The following CCDC187 variants were observed in gnomAD, a reference collection of about 807,000 sequenced individuals.
The protein encoded by CCDC187 is coiled-coil domain-containing protein 187.
A neutral mutation model predicts 38.0 loss-of-function variants in CCDC187; 32 were observed. The observed-to-expected ratio is 0.84, with a 90% confidence interval of 0.64 to 1.13. The LOEUF is 1.13. Ranked by LOEUF, CCDC187 falls within the 50% of genes most tolerant of loss-of-function variation. The pLI is 0.00. For synonymous variants in CCDC187, 333 were observed against 347.9 expected, an observed-to-expected ratio of 0.96 and a Z score of 0.48; for missense variants, 707 against 786.8, an observed-to-expected ratio of 0.90 and a Z score of 1.21.
At position 136,260,180 on chromosome 9, in the gene CCDC187, C is replaced by G; in HGVS notation, c.4149G>C (p.Trp1383Cys). Residue 1383 changes from tryptophan (W) to cysteine (C), a missense_variant, in exon 20 of 26, where the codon TGG (tryptophan) becomes TGC (cysteine). Coordinates refer to ENST00000638797, the MANE Select transcript of CCDC187 (RefSeq NM_001378188.1). ...DGHQQPPRPA[W>C]GEDTHDPQGP... ...CCTGGGGGTCGTGTGTGTCCTCGCC[C>G]CATGCTGGCCTCGGAGGCTGCTGGT... 3.0e-6 allele frequency: 3 copies of G among 985,514 alleles called. No homozygotes were observed. The highest frequency in any genetic ancestry group is 3.6e-6 in the Non-Finnish European group (3 of 830,074). 61.0% of individuals were successfully genotyped at this position (985,514 alleles called of 1,614,324 possible).
At chr9:136,306,072 G>A (rs925411847), upstream of CCDC187, among the ~76,000 whole-genome samples, 6 of 152,220 alleles carry the variant, frequency 3.9e-5, no homozygotes, top group Admixed American at 3.9e-4. Context: ...GGGGTACGAG[G>A]CTCGGGGCTA....
At chr9:136,303,430 C>T in intron 1 of CCDC187, 137 bp from the exon 2 acceptor site, 1 of 357,872 alleles carries the variant, frequency 2.8e-6, no homozygotes, top group Non-Finnish European at 5.0e-6. Flanking sequence ...GGAATACACC[C>T]CACCTGGAGG....
At chr9:136,293,252 TACAC>T (rs1290368845) in intron 4 of CCDC187, among the ~76,000 whole-genome samples, 5 of 106,304 alleles carry the variant, frequency 4.7e-5, no homozygotes, top group Non-Finnish European at 9.4e-5. Flanking sequence ...CTCACATGCT[TACAC>T]ACTCACTCAT....
chr9:136,260,733 G>C (rs1830669310), intron 19 of CCDC187, among the ~76,000 whole-genome samples: 1 of 152,204 alleles, frequency 6.6e-6, no homozygotes, highest in Non-Finnish European at 1.5e-5. Context: ...CTCCACCCAA[G>C]GGTGCCCCTG....
Position 136,263,759 on chromosome 9 carries a change from G to A in CCDC187, c.3775C>T (p.His1259Tyr). The stretch of plus-strand genomic sequence containing the variant: ...TGCAGAAGCAGCTTCCTGTCCCGGT[G>A]CCTGAACAGCTGCGTGTGTCTCAGG... ...QYLRHTQLFR[H>Y]RDRKLLLQHQ... The change falls in exon 18 of 26, where the codon CAC becomes TAC. Residue 1259 changes from histidine (H) to tyrosine (Y), a missense_variant. By Grantham distance (83) the His-to-Tyr change is moderately conservative. Coordinates refer to ENST00000638797, the MANE Select transcript of CCDC187 (RefSeq NM_001378188.1). The A allele has an allele frequency of 1.0e-6, 1 of 985,498 alleles. No homozygotes were observed. Among genetic ancestry groups the A allele is most frequent in the Non-Finnish European group, 1.2e-6 (1 of 829,946 alleles). 61.0% of individuals were successfully genotyped at this position (985,498 alleles called of 1,614,324 possible). A position where few individuals can be genotyped will look rare whatever the true frequency, so the allele number is the denominator to read the frequency against.
chr9:136,250,388 G>T lies in CCDC187; in HGVS notation c.*3206C>A, dbSNP rs1194124072. On this transcript the variant is annotated 3_prime_UTR_variant, in exon 26 of 26. Coordinates refer to ENST00000638797, the MANE Select transcript of CCDC187 (RefSeq NM_001378188.1). ...CGCCACCGCATTGCGCCGCACGTCA[G>T]CACCAACCACGTGGCAGCGAGCCTG... is the stretch of plus-strand genomic sequence containing the variant. 1 of 285,012 alleles carries T rather than the reference G, an allele frequency of 3.5e-6. No homozygotes were observed. Among genetic ancestry groups the T allele is most frequent in the Non-Finnish European group, 6.9e-6 (1 of 145,818 alleles). The allele number at this position is 285,012 out of a possible 1,614,324, so 17.7% of individuals were successfully genotyped here.
chr9:136,290,276 CCT>C (rs1831286471), intron 6 of CCDC187, among the ~76,000 whole-genome samples: 19 of 147,904 alleles, frequency 1.3e-4, no homozygotes, highest in Non-Finnish European at 2.7e-4. Flanking sequence ...TGACCCTGCA[CCT>C]CACCAGGGCC....
chr9:136,265,341 C>T (rs1830731631), intron 17 of CCDC187, among the ~76,000 whole-genome samples: 1 of 152,188 alleles, frequency 6.6e-6, no homozygotes, highest in Non-Finnish European at 1.5e-5. Flanking sequence ...ACAACGATGG[C>T]AGGAAGGCAG....
intron 14 of CCDC187, among the ~76,000 whole-genome samples, chr9:136,271,247 C>T (rs182633660): frequency 3.9e-5 from 6 of 152,294 alleles, no homozygotes; most frequent in African/African-American, 9.6e-5. Context: ...ATGGTCTGGG[C>T]GTGGTGGCTC....
rs1262381903 is a variant in CCDC187 at position 136,290,655 on chromosome 9, TGCC to T, written c.1955_1957del (p.Arg652del). On this transcript the variant is annotated inframe_deletion, in exon 6 of 26. Transcript: ENST00000638797. ...GGCCGAGGCCTTCTCCTCCAGGGCC[TGCC>T]GCCGCCGGGCCTGCGCCTTCTGGCG... 1.7e-4 allele frequency: 68 copies of T among 398,484 alleles called. No homozygotes were observed. Among genetic ancestry groups the T allele is most frequent in the African/African-American group, 1.3e-3 (61 of 48,728 alleles). The allele number at this position is 398,484 out of a possible 1,614,324, so 24.7% of individuals were successfully genotyped here.
At chr9:136,279,560 C>T (rs1830999601) in intron 10 of CCDC187, among the ~76,000 whole-genome samples, 1 of 152,226 alleles carries the variant, frequency 6.6e-6, no homozygotes, top group East Asian at 1.9e-4. Flanking sequence ...CGTGGCTGTC[C>T]TGCAGCCATT....
chr9:136,273,268 G>C (rs925238167), intron 14 of CCDC187, among the ~76,000 whole-genome samples: 5 of 152,178 alleles, frequency 3.3e-5, no homozygotes, highest in Non-Finnish European at 7.3e-5. Context: ...TATGCTGCCT[G>C]TAAGAAACAC....
chr9:136,300,169 G>A, intron 3 of CCDC187, 51 bp downstream of exon 3: 2 of 398,282 alleles, frequency 5.0e-6, no homozygotes, highest in East Asian at 3.6e-5. Flanking sequence ...CCCCATCATG[G>A]CCTGAGCATC....
intron 12 of CCDC187, among the ~76,000 whole-genome samples, chr9:136,275,638 G>A (rs1830917843): frequency 1.3e-5 from 2 of 152,176 alleles, no homozygotes; most frequent in African/African-American, 2.4e-5. Context: ...GGTCACAGCC[G>A]TCAGCCACCC....
At chr9:136,274,589 C>CTCGGA (rs1239714389) in intron 14 of CCDC187, 69 bp downstream of exon 14, 1 of 152,496 alleles carries the variant, frequency 6.6e-6, no homozygotes. Context: ...GGTCCCCCCT[C>CTCGGA]TCGGGTTCAC....
At chr9:136,273,050 A>G (rs1830866843) in intron 14 of CCDC187, among the ~76,000 whole-genome samples, 2 of 152,236 alleles carry the variant, frequency 1.3e-5, no homozygotes, top group African/African-American at 4.8e-5. Context: ...ATGGAGATAA[A>G]ATGGAATCAT....
chr9:136,281,127 G>A (rs1564316155), intron 10 of CCDC187: 2 of 303,226 alleles, frequency 6.6e-6, no homozygotes, highest in South Asian at 1.6e-4. Flanking sequence ...AGGCCCTCAA[G>A]CCCAGGGCTT....
At chr9:136,301,972 G>T (rs1278048712) in intron 2 of CCDC187, among the ~76,000 whole-genome samples, 1 of 152,040 alleles carries the variant, frequency 6.6e-6, no homozygotes, top group Admixed American at 6.5e-5. Flanking sequence ...AGCACTTTGG[G>T]AGGCCGAGGT....
chr9:136,253,906 T>C lies in CCDC187; in HGVS notation c.5922A>G (p.Glu1974=), dbSNP rs374555235. The C allele has an allele frequency of 1.1e-6, 1 of 915,912 alleles. No individual in the cohort carries two copies. The highest frequency in any genetic ancestry group is 1.3e-6 in the Non-Finnish European group (1 of 766,738). 56.7% of individuals were successfully genotyped at this position (915,912 alleles called of 1,614,324 possible). ...GGNGAPTVLE[E]ACPLLAGDVL... ...CGTCACCGGCAAGTAGGGGACAGGC[T>C]TCCTCCAGGACAGTGGGGGCCCCAT... Residue 1974 remains glutamate, a synonymous_variant, in exon 26 of 26, where the codon GAA becomes GAG. Coordinates refer to ENST00000638797, the MANE Select transcript of CCDC187 (RefSeq NM_001378188.1).
Sources: allele counts gnomAD v4.1 joint callset (sites outside exome capture counted in the v4.1 genomes callset), GRCh38; gene constraint gnomAD v4.1.1; transcripts MANE v1.5; gene names NCBI Gene and HGNC (gene_info 2026-07-23, HGNC 2026-07-21).